Variants in HECW1 observed in about 807,000 individuals in gnomAD.
The protein encoded by HECW1 is E3 ubiquitin-protein ligase HECW1.
HECW1 carries 61 observed loss-of-function variants against 182.3 expected under a neutral mutation model. The ratio of observed to expected loss-of-function variants is 0.33; its 90% CI spans 0.27 to 0.41. The LOEUF is 0.41. HECW1 is among the 10% of genes least tolerant of loss of function. The pLI, the probability that HECW1 is intolerant of heterozygous loss-of-function variation, is 1.00. For synonymous variants in HECW1, 859 were observed against 832.6 expected (o/e 1.03, Z -0.55); for missense variants, 1,739 against 2,108.9 (o/e 0.82, Z 3.44).
chr7:43,375,703 G>A (rs921360426), intron 6 of HECW1, among the ~76,000 whole-genome samples: 1 of 151,808 alleles, frequency 6.6e-6, no homozygotes, highest in Admixed American at 6.6e-5. Flanking sequence ...GGCCAGCCTG[G>A]GCAACATGGC....
chr7:43,132,619 A>T (rs1414573290), intron 2 of HECW1, among the ~76,000 whole-genome samples: 1 of 152,048 alleles, frequency 6.6e-6, no homozygotes, highest in Non-Finnish European at 1.5e-5. Context: ...TTACTTACTC[A>T]GTGTGATACA....
intron 2 of HECW1, among the ~76,000 whole-genome samples, chr7:43,217,627 G>C: frequency 6.6e-6 from 1 of 152,154 alleles, no homozygotes; most frequent in East Asian, 1.9e-4. Context: ...AGGACAGAAG[G>C]ATCAGTGTAA....
At chr7:43,297,085 G>A (rs1457441954) in intron 3 of HECW1, among the ~76,000 whole-genome samples, 1 of 152,152 alleles carries the variant, frequency 6.6e-6, no homozygotes, top group Non-Finnish European at 1.5e-5. Context: ...GAAGAAGGCT[G>A]TTTTATTTTT....
intron 16 of HECW1, among the ~76,000 whole-genome samples, chr7:43,472,060 T>C (rs1393654746): frequency 1.3e-5 from 2 of 152,088 alleles, no homozygotes; most frequent in African/African-American, 4.8e-5. Flanking sequence ...ATAAGTAGTC[T>C]GAAAATAGCT....
intron 23 of HECW1, 40 bp from the exon 24 acceptor site, chr7:43,508,929 G>A (rs2079724822): frequency 1.9e-6 from 3 of 1,605,924 alleles, no homozygotes; most frequent in Non-Finnish European, 2.5e-6. Context: ...CCCACCTCCG[G>A]GCACAGAATG....
chr7:43,526,270 T>C (rs2080752860), intron 24 of HECW1, among the ~76,000 whole-genome samples: 1 of 152,210 alleles, frequency 6.6e-6, no homozygotes, highest in Non-Finnish European at 1.5e-5. Flanking sequence ...GCTACATCAG[T>C]TTAGACTTAG....
At chr7:43,134,485 T>A (rs939080477) in intron 2 of HECW1, among the ~76,000 whole-genome samples, 1 of 151,956 alleles carries the variant, frequency 6.6e-6, no homozygotes, top group Non-Finnish European at 1.5e-5. Context: ...AGTCTATGTT[T>A]AAGTGTTTTT....
At chr7:43,472,175 C>T (rs1046464473) in intron 16 of HECW1, among the ~76,000 whole-genome samples, 3 of 151,908 alleles carry the variant, frequency 2.0e-5, no homozygotes, top group Non-Finnish European at 2.9e-5. Context: ...CGTATGAACA[C>T]GGAAACAGCC....
intron 16 of HECW1, among the ~76,000 whole-genome samples, chr7:43,474,867 T>G (rs1192634985): frequency 6.6e-6 from 1 of 152,136 alleles, no homozygotes. Context: ...TTGTGCTAAG[T>G]GAAATAAGCA....
At chr7:43,431,144 C>T (rs1408791838) in intron 8 of HECW1, among the ~76,000 whole-genome samples, 1 of 152,188 alleles carries the variant, frequency 6.6e-6, no homozygotes, top group Non-Finnish European at 1.5e-5. Context: ...ATGAATGACT[C>T]ATAGTTTCCT....
chr7:43,239,698 C>T (rs1291077133), intron 2 of HECW1, among the ~76,000 whole-genome samples: 1 of 152,230 alleles, frequency 6.6e-6, no homozygotes, highest in African/African-American at 2.4e-5. Context: ...CTTGCCCCAG[C>T]TGACCAGATT....
chr7:43,236,497 GTCAA>G (rs1798353248), intron 2 of HECW1, among the ~76,000 whole-genome samples: 1 of 152,130 alleles, frequency 6.6e-6, no homozygotes, highest in African/African-American at 2.4e-5. Flanking sequence ...GACATGAGAC[GTCAA>G]TCAATATGTA....
intron 24 of HECW1, among the ~76,000 whole-genome samples, chr7:43,521,057 G>A (rs1010779697): frequency 2.0e-5 from 3 of 152,218 alleles, no homozygotes; most frequent in African/African-American, 7.2e-5. Flanking sequence ...AACCTGGGCA[G>A]CTTTCTTAAC....
At chr7:43,502,416 G>A (rs2079400437) in intron 21 of HECW1, among the ~76,000 whole-genome samples, 1 of 152,144 alleles carries the variant, frequency 6.6e-6, no homozygotes, top group African/African-American at 2.4e-5. Flanking sequence ...CAGCACTTTG[G>A]GAAGCTGAGG....
At chr7:43,477,112 TG>T (rs1395215036) in intron 16 of HECW1, among the ~76,000 whole-genome samples, 2 of 152,166 alleles carry the variant, frequency 1.3e-5, no homozygotes, top group Non-Finnish European at 2.9e-5. Flanking sequence ...GTAGATTCCC[TG>T]GGAAATTGTA....
chr7:43,236,758 G>T (rs1053778712), intron 2 of HECW1, among the ~76,000 whole-genome samples: 2 of 152,136 alleles, frequency 1.3e-5, no homozygotes, highest in Non-Finnish European at 2.9e-5. Flanking sequence ...CATTGCCAGG[G>T]TGAAATTCAA....
intron 24 of HECW1, among the ~76,000 whole-genome samples, chr7:43,523,329 A>G (rs2080598948): frequency 6.6e-6 from 1 of 152,200 alleles, no homozygotes; most frequent in Admixed American, 6.5e-5. Flanking sequence ...AAACACCAGC[A>G]TCAAACAGCC....
Position 43,564,880 on chromosome 7 carries a change from T to C in HECW1, c.*2954T>C, listed in dbSNP as rs2082294234. On this transcript the variant is annotated 3_prime_UTR_variant, in exon 30 of 30. Transcript: ENST00000395891. ...AGACAGATCTATTTGTTACCACCTG[T>C]AATTTTTTTTTAAGCATGAGTTTTC... is the stretch of plus-strand genomic sequence containing the variant. 1 of 179,886 alleles carries C rather than the reference T, an allele frequency of 5.6e-6. No homozygotes were observed. The allele number at this position is 179,886 out of a possible 1,614,324, so 11.1% of individuals were successfully genotyped here.
chr7:43,118,529 T>C (rs1785265916), intron 2 of HECW1: 1 of 152,352 alleles, frequency 6.6e-6, no homozygotes, highest in African/African-American at 2.4e-5. Flanking sequence ...CCTCATCCTC[T>C]TTCCTGTAAC....
Sources: allele counts gnomAD v4.1 joint callset (sites outside exome capture counted in the v4.1 genomes callset), GRCh38; gene constraint gnomAD v4.1.1; transcripts MANE v1.5; gene names NCBI Gene and HGNC (gene_info 2026-07-23, HGNC 2026-07-21).